GRM1: variants seen among roughly 807,000 people sequenced by gnomAD.
The protein encoded by GRM1 is glutamate metabotropic receptor 1.
GRM1 carries 33 observed loss-of-function variants against 90.9 expected under a neutral mutation model. The ratio of observed to expected loss-of-function variants is 0.36; its 90% confidence interval spans 0.28 to 0.49. The LOEUF (loss-of-function observed/expected upper bound fraction) is 0.49, where lower values mean the gene tolerates loss of function less well. GRM1 is among the 20% of genes least tolerant of loss of function. GRM1 has a pLI of 0.99. For synonymous variants in GRM1, 700 were observed against 613.2 expected (o/e 1.14, Z -2.09); for missense variants, 1,190 against 1,534.3 (o/e 0.78, Z 3.75).
intron 2 of GRM1, among the ~76,000 whole-genome samples, chr6:146,254,568 T>C (rs1183392685): frequency 2.6e-5 from 4 of 152,198 alleles, no homozygotes; most frequent in Non-Finnish European, 5.9e-5. Flanking sequence ...CATATGTATA[T>C]GCATGTTTGT....
intron 7 of GRM1, chr6:146,426,715 A>G (rs748422714): frequency 2.7e-6 from 2 of 743,822 alleles, no homozygotes; most frequent in East Asian, 2.7e-5. Context: ...TCCACTTTCT[A>G]ACATGGAAAC....
chr6:146,382,084 T>C (rs1248070319), intron 5 of GRM1, among the ~76,000 whole-genome samples: 1 of 152,060 alleles, frequency 6.6e-6, no homozygotes, highest in Non-Finnish European at 1.5e-5. Context: ...AACAGGTAGG[T>C]CTTAGAAAGC....
intron 1 of GRM1, among the ~76,000 whole-genome samples, chr6:146,153,125 A>G (rs1376272423): frequency 6.6e-6 from 1 of 152,130 alleles, no homozygotes; most frequent in Non-Finnish European, 1.5e-5. Context: ...CTTTCTCTTT[A>G]TGGAGAATCT....
intron 1 of GRM1, among the ~76,000 whole-genome samples, chr6:146,045,666 G>A (rs1791297855): frequency 7.1e-6 from 1 of 139,914 alleles, no homozygotes; most frequent in South Asian, 2.3e-4. Flanking sequence ...CCAAGAACCA[G>A]CAACATTAGA....
intron 2 of GRM1, among the ~76,000 whole-genome samples, chr6:146,213,262 A>T (rs537252963): frequency 1.1e-4 from 17 of 152,256 alleles, no homozygotes; most frequent in Admixed American, 5.2e-4. Context: ...GAAGCATAGA[A>T]TTCAAAATGA....
chr6:146,199,484 A>G (rs1252464058), intron 2 of GRM1, among the ~76,000 whole-genome samples: 6 of 152,180 alleles, frequency 3.9e-5, no homozygotes, highest in Non-Finnish European at 7.4e-5. Flanking sequence ...TCAAAATTCA[A>G]TTACCCAGAG....
chr6:146,069,985 C>A (rs181293854), intron 1 of GRM1, among the ~76,000 whole-genome samples: 183 of 152,224 alleles, frequency 1.2e-3, no homozygotes, highest in Non-Finnish European at 1.8e-3. Context: ...AATCTCCACA[C>A]CTTTATCTCC....
At chr6:146,050,297 C>G (rs1318503257) in intron 1 of GRM1, among the ~76,000 whole-genome samples, 4 of 151,946 alleles carry the variant, frequency 2.6e-5, no homozygotes, top group African/African-American at 9.7e-5. Flanking sequence ...GTGTGTCTCT[C>G]TAGAAAATGT....
intron 4 of GRM1, among the ~76,000 whole-genome samples, chr6:146,355,826 G>A (rs547723856): frequency 1.5e-4 from 23 of 152,302 alleles, no homozygotes; most frequent in South Asian, 8.3e-4. Context: ...AAGCAGGGGC[G>A]TGTGAGAGGG....
chr6:146,424,464 G>C lies in GRM1; in HGVS notation c.2661-9408G>C, dbSNP rs1273741927. On this transcript the variant is annotated intron_variant, in intron 7 of 7. Coordinates refer to ENST00000282753, the MANE Select transcript of GRM1 (RefSeq NM_001278064.2). ...CAAAGCCTGTCCAGAAAGGCAGGGA[G>C]GCTGCAAGATGTGGGCCATGTGTAA... Among the ~76,000 whole-genome samples, 3 of 152,376 alleles carry C rather than the reference G, an allele frequency of 2.0e-5. No individual in the cohort carries two copies. The East Asian group carries it at 5.8e-4, about 29-fold the overall frequency.
intron 2 of GRM1, among the ~76,000 whole-genome samples, chr6:146,203,407 C>T (rs1486571553): frequency 2.0e-5 from 3 of 152,000 alleles, no homozygotes; most frequent in African/African-American, 7.2e-5. Context: ...TCCTCTGTTT[C>T]CAGCTAGCAG....
At chr6:146,279,582 G>A (rs1257692038) in intron 2 of GRM1, among the ~76,000 whole-genome samples, 1 of 152,022 alleles carries the variant, frequency 6.6e-6, no homozygotes, top group Non-Finnish European at 1.5e-5. Flanking sequence ...TTATTTATAA[G>A]TGTGTTGCTT....
At chr6:146,215,039 C>T (rs1010831281) in intron 2 of GRM1, among the ~76,000 whole-genome samples, 17 of 152,228 alleles carry the variant, frequency 1.1e-4, no homozygotes, top group South Asian at 2.1e-4. Flanking sequence ...AAAATAGACC[C>T]GTTTTATGAT....
intron 2 of GRM1, among the ~76,000 whole-genome samples, chr6:146,204,211 C>T (rs530369909): frequency 7.9e-5 from 12 of 151,646 alleles, no homozygotes; most frequent in South Asian, 4.2e-4. Flanking sequence ...GAGATGAGAG[C>T]GATGAAAGAA....
intron 7 of GRM1, among the ~76,000 whole-genome samples, chr6:146,405,417 T>C (rs555895701): frequency 6.6e-6 from 1 of 152,276 alleles, no homozygotes; most frequent in South Asian, 2.1e-4. Flanking sequence ...AATAAAAGGA[T>C]GCAATATTAT....
In GRM1 at chr6:146,113,465, G is replaced by A. The variant is rs116010327; in HGVS notation, c.701-45883G>A. 2.0e-3 allele frequency among the ~76,000 whole-genome samples: 308 copies of A among 152,294 alleles called. 2 individuals are homozygous for A. Among genetic ancestry groups the A allele is most frequent in the African/African-American group, 7.2e-3 (299 of 41,570 alleles). ...CTTATCTTATGCTGAGTACACTGCTGCATTTATGCTGTATAATTCAGGCCC... is the reference window on the plus strand; with the variant it reads ...CTTATCTTATGCTGAGTACACTGCTACATTTATGCTGTATAATTCAGGCCC... On this transcript the variant is annotated intron_variant, in intron 1 of 7. Coordinates refer to ENST00000282753, the MANE Select transcript of GRM1 (RefSeq NM_001278064.2).
At chr6:146,175,890 G>T (rs1778322676) in intron 2 of GRM1, among the ~76,000 whole-genome samples, 1 of 152,122 alleles carries the variant, frequency 6.6e-6, no homozygotes, top group Non-Finnish European at 1.5e-5. Flanking sequence ...TAATACTCGG[G>T]TTGTCTAAAC....
At chr6:146,058,889 T>A (rs1775572675) in intron 1 of GRM1, among the ~76,000 whole-genome samples, 1 of 152,138 alleles carries the variant, frequency 6.6e-6, no homozygotes, top group Non-Finnish European at 1.5e-5. Flanking sequence ...TTCATGAAAT[T>A]GTATTAATTC....
chr6:146,216,581 G>T (rs1779879847), intron 2 of GRM1, among the ~76,000 whole-genome samples: 1 of 152,168 alleles, frequency 6.6e-6, no homozygotes, highest in Non-Finnish European at 1.5e-5. Context: ...CTGGTTCTTA[G>T]AAAAGTTTAT....
Sources: gnomAD v4.1 joint callset for allele counts (sites outside exome capture counted in the v4.1 genomes callset) on GRCh38, gnomAD v4.1.1 for gene constraint, MANE v1.5 for transcripts, NCBI Gene and HGNC (gene_info 2026-07-23, HGNC 2026-07-21) for gene names.